Variants in RNF150 observed in about 807,000 individuals in gnomAD.
The protein encoded by RNF150 is ring finger protein 150.
In RNF150, 24 loss-of-function variants were observed where a neutral mutation model predicts 39.3. That is an observed-to-expected ratio of 0.61 (90% confidence interval 0.44 to 0.86). The LOEUF (loss-of-function observed/expected upper bound fraction) is 0.86. Among genes scored for constraint, RNF150 ranks in the 40% least tolerant of loss-of-function variants. The probability of loss-of-function intolerance (pLI) is 0.00; values close to 1 mark genes in which losing one functional copy is unlikely to be tolerated. For missense variants in RNF150, 502 were observed against 587.8 expected (o/e 0.85, Z 1.51); for synonymous variants, 255 against 227.3 (o/e 1.12, Z -1.10).
intron 6 of RNF150, among the ~76,000 whole-genome samples, chr4:140,870,708 G>T (rs1446215556): frequency 6.6e-6 from 1 of 152,088 alleles, no homozygotes; most frequent in Non-Finnish European, 1.5e-5. Flanking sequence ...TCCTGAAGTG[G>T]GGCAGGACAC....
chr4:141,063,964 G>A (rs1578685720), intron 1 of RNF150, among the ~76,000 whole-genome samples: 1 of 125,590 alleles, frequency 8.0e-6, no homozygotes, highest in Admixed American at 9.4e-5. Flanking sequence ...GAACCATTTT[G>A]TAATGAATCA....
chr4:141,040,129 C>G (rs866441251), intron 1 of RNF150, among the ~76,000 whole-genome samples: 1 of 151,418 alleles, frequency 6.6e-6, no homozygotes, highest in Non-Finnish European at 1.5e-5. Context: ...GATTTCTATC[C>G]TGGAAGACTG....
chr4:141,198,174 C>T (rs993011602), intron 1 of RNF150, among the ~76,000 whole-genome samples: 7 of 151,446 alleles, frequency 4.6e-5, no homozygotes, highest in African/African-American at 7.3e-5. Flanking sequence ...TACAGGTGTG[C>T]ACCACTAATC....
At chr4:140,963,068 A>G (rs1733102349) in intron 2 of RNF150, among the ~76,000 whole-genome samples, 1 of 152,028 alleles carries the variant, frequency 6.6e-6, no homozygotes, top group Admixed American at 6.6e-5. Flanking sequence ...ACATGTTGAC[A>G]ATTTAGTGGG....
intron 1 of RNF150, among the ~76,000 whole-genome samples, chr4:141,195,127 C>T (rs1560775115): frequency 1.3e-5 from 2 of 151,474 alleles, no homozygotes; most frequent in South Asian, 2.1e-4. Flanking sequence ...CACACACACA[C>T]CTGTGCACAA....
chr4:140,911,000 T>TAACA (rs1378625183), intron 6 of RNF150, 144 bp downstream of exon 6: 5 of 689,232 alleles, frequency 7.3e-6, no homozygotes, highest in South Asian at 1.9e-5. Flanking sequence ...GCAGTTCTTC[T>TAACA]AACAGCTGGC....
At chr4:140,979,808 G>A (rs1345589050) in intron 1 of RNF150, among the ~76,000 whole-genome samples, 1 of 151,972 alleles carries the variant, frequency 6.6e-6, no homozygotes, top group Non-Finnish European at 1.5e-5. Context: ...CACCTGTTTT[G>A]GTCAATGAAC....
At chr4:140,915,772 G>A (rs903681183) in intron 5 of RNF150, among the ~76,000 whole-genome samples, 5 of 152,218 alleles carry the variant, frequency 3.3e-5, no homozygotes, top group African/African-American at 1.2e-4. Flanking sequence ...TGACCCCCGA[G>A]TAGCCTAAAT....
intron 1 of RNF150, among the ~76,000 whole-genome samples, chr4:141,010,112 A>C (rs1735022824): frequency 6.6e-6 from 1 of 152,250 alleles, no homozygotes; most frequent in African/African-American, 2.4e-5. Flanking sequence ...ACTTGCACTA[A>C]GGTTCAGGAA....
At chr4:140,996,640 G>A (rs552018561) in intron 1 of RNF150, among the ~76,000 whole-genome samples, 17 of 152,296 alleles carry the variant, frequency 1.1e-4, no homozygotes, top group Admixed American at 2.6e-4. Flanking sequence ...TAAACGTTAC[G>A]AAAATTATCT....
At chr4:141,097,032 T>C (rs1004817780) in intron 1 of RNF150, among the ~76,000 whole-genome samples, 8 of 152,238 alleles carry the variant, frequency 5.3e-5, no homozygotes, top group African/African-American at 1.9e-4. Flanking sequence ...GACAGCCATG[T>C]CCTCAACGGA....
chr4:140,873,157 A>G (rs1178481492), intron 6 of RNF150, among the ~76,000 whole-genome samples: 1 of 152,204 alleles, frequency 6.6e-6, no homozygotes, highest in African/African-American at 2.4e-5. Flanking sequence ...AGGACATTTC[A>G]CATACAAATT....
chr4:140,986,249 C>T (rs1291942640), intron 1 of RNF150, among the ~76,000 whole-genome samples: 2 of 151,970 alleles, frequency 1.3e-5, no homozygotes, highest in Admixed American at 6.6e-5. Context: ...AGAACCTGAA[C>T]GGAAAGACAG....
At chr4:140,879,100 A>G (rs1337213013) in intron 6 of RNF150, among the ~76,000 whole-genome samples, 1 of 152,172 alleles carries the variant, frequency 6.6e-6, no homozygotes, top group Non-Finnish European at 1.5e-5. Context: ...ATTGGTCTAC[A>G]TGTCTGTCTT....
At position 140,880,304 on chromosome 4, in the gene RNF150, A is replaced by AT. The variant is rs201400232; in HGVS notation, c.1199-11926dup. On this transcript the variant is annotated intron_variant, in intron 6 of 6. Coordinates refer to ENST00000515673, the MANE Select transcript of RNF150 (RefSeq NM_020724.2). ...TTAATGTGGTGTATTACACTGACTG[A>AT]TTTTTTTTTGTATACTGAATCATCC... Among the ~76,000 whole-genome samples, 548 of 151,744 alleles carry AT rather than the reference A, an allele frequency of 3.6e-3. 8 individuals carry two copies. Among genetic ancestry groups the AT allele is most frequent in the African/African-American group, 0.012 (487 of 41,444 alleles).
At chr4:141,093,942 C>T (rs1738685266) in intron 1 of RNF150, among the ~76,000 whole-genome samples, 1 of 152,100 alleles carries the variant, frequency 6.6e-6, no homozygotes. Context: ...TAAAAGTTGA[C>T]TAAACAGAGT....
intron 1 of RNF150, among the ~76,000 whole-genome samples, chr4:141,060,594 A>G (rs1578681525): frequency 6.6e-6 from 1 of 152,230 alleles, no homozygotes; most frequent in Non-Finnish European, 1.5e-5. Context: ...ATGTAAACAA[A>G]GGTTTTTAAT....
At chr4:140,935,985 C>A (rs1310484179) in intron 4 of RNF150, among the ~76,000 whole-genome samples, 2 of 152,174 alleles carry the variant, frequency 1.3e-5, no homozygotes, top group Admixed American at 6.5e-5. Flanking sequence ...TAACATCTGT[C>A]ACCATATATT....
intron 1 of RNF150, among the ~76,000 whole-genome samples, chr4:141,174,243 A>T (rs1476947597): frequency 6.6e-6 from 1 of 152,190 alleles, no homozygotes; most frequent in Non-Finnish European, 1.5e-5. Flanking sequence ...TCTTTAAGAA[A>T]CAGCTAGTTT....
Sources: allele counts gnomAD v4.1 joint callset (sites outside exome capture counted in the v4.1 genomes callset), GRCh38; gene constraint gnomAD v4.1.1; transcripts MANE v1.5; gene names NCBI Gene and HGNC (gene_info 2026-07-23, HGNC 2026-07-21).